The following WWC2 variants were observed in gnomAD, a reference collection of about 807,000 sequenced individuals.
WWC2 encodes the protein protein WWC2.
A neutral mutation model predicts 138.5 loss-of-function variants in WWC2; 101 were observed. That is an observed-to-expected ratio of 0.73 (90% CI 0.62 to 0.86). WWC2 has a LOEUF of 0.86. Ranked by LOEUF, WWC2 falls within the 40% of genes least tolerant of loss-of-function variation. The pLI is 0.00. For synonymous variants in WWC2, 558 were observed against 538.4 expected, an observed-to-expected ratio of 1.04 and a Z score of -0.50; for missense variants, 1,420 against 1,419.4, an observed-to-expected ratio of 1.00 and a Z score of -0.01.
intron 4 of WWC2, among the ~76,000 whole-genome samples, chr4:183,222,994 C>T (rs140026686): frequency 1.3e-3 from 201 of 152,114 alleles, no homozygotes; most frequent in African/African-American, 4.4e-3. Context: ...AATATAGTTA[C>T]GTGCCAAATA....
At chr4:183,138,065 C>T (rs1733176898) in intron 1 of WWC2, among the ~76,000 whole-genome samples, 1 of 152,110 alleles carries the variant, frequency 6.6e-6, no homozygotes, top group African/African-American at 2.4e-5. Context: ...AGGGGCTCTG[C>T]CAGTCTGGAA....
At chr4:183,250,059 C>T in intron 8 of WWC2, 66 bp downstream of exon 8, 2 of 1,440,718 alleles carry the variant, frequency 1.4e-6, no homozygotes, top group African/African-American at 1.4e-5. Flanking sequence ...AATCTTTACT[C>T]CTGTGGTGAC....
chr4:183,174,040 A>G (rs955180744), intron 1 of WWC2, among the ~76,000 whole-genome samples: 5 of 152,140 alleles, frequency 3.3e-5, no homozygotes, highest in African/African-American at 1.2e-4. Flanking sequence ...AAAACCCTCC[A>G]ATTCTTCGGC....
At chr4:183,141,995 A>T (rs967564008) in intron 1 of WWC2, among the ~76,000 whole-genome samples, 1 of 152,210 alleles carries the variant, frequency 6.6e-6, no homozygotes, top group Non-Finnish European at 1.5e-5. Flanking sequence ...ACATAGCACA[A>T]TGTCTATGTG....
At chr4:183,198,373 TAC>T (rs1735201191) in intron 2 of WWC2, among the ~76,000 whole-genome samples, 1 of 152,138 alleles carries the variant, frequency 6.6e-6, no homozygotes, top group African/African-American at 2.4e-5. Context: ...CATGCACATA[TAC>T]ACAGTTTCTT....
chr4:183,114,075 A>G (rs996549934), intron 1 of WWC2, among the ~76,000 whole-genome samples: 2 of 152,162 alleles, frequency 1.3e-5, no homozygotes, highest in East Asian at 3.9e-4. Context: ...ATGTGTCCCC[A>G]CTATTGTAAT....
In WWC2 at chr4:183,249,951, A is replaced by G; in HGVS notation, c.911A>G (p.Glu304Gly). 6.2e-7 allele frequency: 1 copy of G among 1,613,686 alleles called. No homozygotes were observed. The highest frequency in any genetic ancestry group is 8.5e-7 in the Non-Finnish European group (1 of 1,179,726). ...IGVRSRSNLA[E>G]KVRLSLQYEE... ...GTAAGAAGTAGATCAAATTTAGCTGAAAAGGTCAGGCTAAGCCTACAGTAT... is the reference window on the plus strand; with the variant it reads ...GTAAGAAGTAGATCAAATTTAGCTGGAAAGGTCAGGCTAAGCCTACAGTAT... The change falls in exon 8 of 23, where the codon GAA becomes GGA. Residue 304 changes from glutamate (E) to glycine (G), a missense_variant. Transcript: ENST00000403733.
chr4:183,227,264 C>CTG (rs1736101754), intron 4 of WWC2, among the ~76,000 whole-genome samples: 1 of 152,050 alleles, frequency 6.6e-6, no homozygotes, highest in Non-Finnish European at 1.5e-5. Context: ...CCTGGATGGT[C>CTG]TGAAAAAGCC....
At chr4:183,213,626 T>C (rs1253775847) in intron 4 of WWC2, among the ~76,000 whole-genome samples, 3 of 152,230 alleles carry the variant, frequency 2.0e-5, no homozygotes, top group Non-Finnish European at 4.4e-5. Context: ...TAGGTACTGA[T>C]AATCATTGGG....
rs140177157 is a variant in WWC2, at chr4:183,141,432, C to T, written c.131+41810C>T. The stretch of plus-strand genomic sequence containing the variant: ...CTTAAATACCTCCTAAAGACCCTGT[C>T]TCCAGATATATTCACATTGGGAATT... On this transcript the variant is annotated intron_variant, in intron 1 of 22. Coordinates refer to ENST00000403733, the MANE Select transcript of WWC2 (RefSeq NM_024949.6). 1.4e-3 allele frequency among the ~76,000 whole-genome samples: 207 copies of T among 152,274 alleles called. 1 individual carries two copies. Among genetic ancestry groups the T allele is most frequent in the African/African-American group, 4.8e-3 (201 of 41,546 alleles).
chr4:183,174,827 C>T (rs1186142681), intron 1 of WWC2, among the ~76,000 whole-genome samples: 1 of 151,644 alleles, frequency 6.6e-6, no homozygotes, highest in Non-Finnish European at 1.5e-5. Context: ...CTCTCTTTTG[C>T]GCTCTCTCTC....
chr4:183,214,395 T>C (rs1735689124), intron 4 of WWC2, among the ~76,000 whole-genome samples: 2 of 152,190 alleles, frequency 1.3e-5, no homozygotes, highest in Admixed American at 1.3e-4. Flanking sequence ...AAATTTAAGG[T>C]TCAGTTTGTA....
At chr4:183,256,224 A>C (rs998847635) in intron 9 of WWC2, among the ~76,000 whole-genome samples, 1 of 152,204 alleles carries the variant, frequency 6.6e-6, no homozygotes, top group African/African-American at 2.4e-5. Flanking sequence ...TTACATTGCC[A>C]TCAAAGGTTG....
intron 20 of WWC2, among the ~76,000 whole-genome samples, chr4:183,286,836 A>G (rs1254209762): frequency 6.6e-6 from 1 of 152,150 alleles, no homozygotes; most frequent in African/African-American, 2.4e-5. Flanking sequence ...TGTGCCGGGT[A>G]TGACAGGGAA....
intron 1 of WWC2, among the ~76,000 whole-genome samples, chr4:183,188,001 TAATAA>T (rs1734865399): frequency 1.3e-5 from 2 of 152,310 alleles, no homozygotes; most frequent in South Asian, 2.1e-4. Context: ...AATAGACAAC[TAATAA>T]AATTAGTTTC....
At chr4:183,148,620 T>G (rs768705884) in intron 1 of WWC2, among the ~76,000 whole-genome samples, 17 of 152,166 alleles carry the variant, frequency 1.1e-4, no homozygotes, top group Non-Finnish European at 1.8e-4. Context: ...AGAAAATGAT[T>G]GTATGTCTTC....
chr4:183,142,707 C>A (rs181052652), intron 1 of WWC2, among the ~76,000 whole-genome samples: 56 of 152,294 alleles, frequency 3.7e-4, no homozygotes, highest in African/African-American at 1.3e-3. Context: ...ACCCTTGCCC[C>A]CAGGCACACT....
At chr4:183,120,355 T>C (rs1366996907) in intron 1 of WWC2, among the ~76,000 whole-genome samples, 1 of 152,218 alleles carries the variant, frequency 6.6e-6, no homozygotes, top group African/African-American at 2.4e-5. Context: ...TACAAAGATC[T>C]CTACTGTGAT....
At chr4:183,274,749 A>G (rs1362738335) in intron 16 of WWC2, among the ~76,000 whole-genome samples, 2 of 152,184 alleles carry the variant, frequency 1.3e-5, no homozygotes, top group African/African-American at 4.8e-5. Flanking sequence ...ACACTTGAAA[A>G]TCAATAAGTT....
Sources: gnomAD v4.1 joint callset for allele counts (sites outside exome capture counted in the v4.1 genomes callset) on GRCh38, gnomAD v4.1.1 for gene constraint, MANE v1.5 for transcripts, NCBI Gene and HGNC (gene_info 2026-07-23, HGNC 2026-07-21) for gene names.